Variants in GRB10 observed in about 807,000 individuals in gnomAD.
GRB10 encodes growth factor receptor-bound protein 10.
A neutral mutation model predicts 80.9 loss-of-function variants in GRB10; 20 were observed. The ratio of observed to expected loss-of-function variants is 0.25; its 90% CI spans 0.17 to 0.36. The LOEUF is 0.36. GRB10 is among the 10% of genes least tolerant of loss of function. The pLI is 1.00. For synonymous variants in GRB10, 291 were observed against 291.5 expected, an observed-to-expected ratio of 1.00 and a Z score of 0.02; for missense variants, 548 against 747.7, an observed-to-expected ratio of 0.73 and a Z score of 3.12.
At chr7:50,622,175 CT>C (rs1265875172) in intron 8 of GRB10, among the ~76,000 whole-genome samples, 1 of 152,224 alleles carries the variant, frequency 6.6e-6, no homozygotes, top group Non-Finnish European at 1.5e-5. Flanking sequence ...TGAGATAGCC[CT>C]GACGTGTGGA....
chr7:50,697,805 C>T (rs1028266366), intron 5 of GRB10, among the ~76,000 whole-genome samples: 2 of 152,200 alleles, frequency 1.3e-5, no homozygotes, highest in Non-Finnish European at 2.9e-5. Context: ...GTAGGCTGTG[C>T]TGTGGGCTGA....
In GRB10 at chr7:50,590,174, G is replaced by A. The variant is rs2045697005; in HGVS notation, c.*2778C>T. On this transcript the variant is annotated 3_prime_UTR_variant, in exon 19 of 19. Transcript: ENST00000401949. ...TTTACAATTAGGTTCACGAGCCAAA[G>A]AGCTATGTACAGAATGAAGCAAAGC... 1 of 152,182 alleles carries A rather than the reference G, an allele frequency of 6.6e-6. No homozygotes were observed. The highest frequency in any genetic ancestry group is 1.5e-5 in the Non-Finnish European group (1 of 68,038). The allele number at this position is 152,182 out of a possible 1,614,324, so 9.4% of individuals were successfully genotyped here. A position where few individuals can be genotyped will look rare whatever the true frequency, so the allele number is the denominator to read the frequency against.
intron 4 of GRB10, among the ~76,000 whole-genome samples, chr7:50,719,389 C>T (rs866301025): frequency 3.3e-5 from 5 of 152,166 alleles, no homozygotes; most frequent in African/African-American, 9.7e-5. Context: ...TCCTTTGAAG[C>T]TGGAAGCCAT....
intron 6 of GRB10, among the ~76,000 whole-genome samples, chr7:50,671,279 T>C (rs1372947973): frequency 1.3e-5 from 2 of 152,200 alleles, no homozygotes; most frequent in Non-Finnish European, 2.9e-5. Flanking sequence ...ACCCCCATCA[T>C]AGGCTGTGTC....
At position 50,707,361 on chromosome 7, in the gene GRB10, G is replaced by A. The variant is rs572112301; in HGVS notation, c.52-3453C>T. 5.3e-5 allele frequency among the ~76,000 whole-genome samples: 8 copies of A among 152,246 alleles called. No homozygotes were observed. In the East Asian group the frequency reaches 1.4e-3, roughly 26 times the overall value. On this transcript the variant is annotated intron_variant, in intron 4 of 18. Coordinates refer to ENST00000401949, the MANE Select transcript of GRB10 (RefSeq NM_001350814.2). ...TTTGGGAGGTGGTCACCCTGCTCACGTGTTATAATCTTACACACATCCAAG... is the reference window on the plus strand; with the variant it reads ...TTTGGGAGGTGGTCACCCTGCTCACATGTTATAATCTTACACACATCCAAG...
At chr7:50,672,040 C>T (rs1184130631) in intron 6 of GRB10, among the ~76,000 whole-genome samples, 1 of 152,216 alleles carries the variant, frequency 6.6e-6, no homozygotes, top group Non-Finnish European at 1.5e-5. Flanking sequence ...AGAACACATG[C>T]GTGGCCCTTG....
At chr7:50,614,107 G>A (rs1266421091) in intron 12 of GRB10, among the ~76,000 whole-genome samples, 2 of 152,190 alleles carry the variant, frequency 1.3e-5, no homozygotes, top group African/African-American at 2.4e-5. Flanking sequence ...CCTCATCAGG[G>A]GAAAAGGAGT....
chr7:50,602,689 CAACTT>C (rs1297251817), intron 17 of GRB10, among the ~76,000 whole-genome samples: 2 of 152,182 alleles, frequency 1.3e-5, no homozygotes, highest in Non-Finnish European at 2.9e-5. Context: ...TAAATAACCT[CAACTT>C]AATTTAAAGG....
intron 13 of GRB10, 76 bp from the exon 14 acceptor site, chr7:50,606,490 A>G (rs1243595111): frequency 1.9e-6 from 2 of 1,031,556 alleles, no homozygotes; most frequent in South Asian, 1.3e-5. Context: ...CCACAGCAGG[A>G]AAGGGCAATG....
At chr7:50,638,422 T>C (rs776152393) in intron 7 of GRB10, among the ~76,000 whole-genome samples, 9 of 152,080 alleles carry the variant, frequency 5.9e-5, no homozygotes, top group African/African-American at 1.7e-4. Flanking sequence ...CATTAAAAAA[T>C]GGGCAAAGAA....
rs369305146 is a variant in GRB10 at position 50,643,715 on chromosome 7, T to C, written c.505-16737A>G. 5.3e-5 allele frequency among the ~76,000 whole-genome samples: 8 copies of C among 152,188 alleles called. No individual in the cohort carries two copies. The East Asian group carries it at 1.3e-3, about 26-fold the overall frequency. ...GGTATTTAGGAGTAAAGGGACTTGA[T>C]ATCTACAAATGAGTCTCAAATGGTC... On this transcript the variant is annotated intron_variant, in intron 7 of 18. Coordinates refer to ENST00000401949, the MANE Select transcript of GRB10 (RefSeq NM_001350814.2).
At chr7:50,684,444 G>A (rs903129129) in intron 5 of GRB10, among the ~76,000 whole-genome samples, 23 of 152,050 alleles carry the variant, frequency 1.5e-4, no homozygotes, top group African/African-American at 5.5e-4. Flanking sequence ...AATGTTCAGT[G>A]AGCATCCCCT....
intron 2 of GRB10, among the ~76,000 whole-genome samples, chr7:50,777,367 G>A (rs908110949): frequency 2.0e-5 from 3 of 150,430 alleles, no homozygotes; most frequent in Non-Finnish European, 3.0e-5. Flanking sequence ...ATAACATCAC[G>A]TTGGCCATTA....
At chr7:50,598,352 T>C (rs2047011898) in intron 17 of GRB10, among the ~76,000 whole-genome samples, 1 of 152,194 alleles carries the variant, frequency 6.6e-6, no homozygotes, top group South Asian at 2.1e-4. Context: ...GCTAAGCATG[T>C]TAAGTGACTA....
chr7:50,664,723 C>G (rs1437552137), intron 7 of GRB10, among the ~76,000 whole-genome samples: 2 of 152,186 alleles, frequency 1.3e-5, no homozygotes, highest in African/African-American at 4.8e-5. Flanking sequence ...CCCAGTGGCA[C>G]CAACTAGACC....
In GRB10 at chr7:50,790,694, T is replaced by G. The variant is rs114182255; in HGVS notation, c.-294+2530A>C. Among the ~76,000 whole-genome samples the G allele has an allele frequency of 2.0e-3, 301 of 152,338 alleles. 3 individuals are homozygous for G. Among genetic ancestry groups the G allele is most frequent in the African/African-American group, 6.9e-3 (286 of 41,588 alleles). ...CCGTAGGTTTCTCTTCCCCTTGCAG[T>G]TAAGAGTCGGACAGAATTCCAAGGA... is the stretch of plus-strand genomic sequence containing the variant. On this transcript the variant is annotated intron_variant, in intron 1 of 16. Coordinates refer to the GRB10 transcript ENST00000335866.
intron 8 of GRB10, among the ~76,000 whole-genome samples, chr7:50,624,736 A>G (rs2052562277): frequency 6.6e-6 from 1 of 152,220 alleles, no homozygotes; most frequent in Non-Finnish European, 1.5e-5. Context: ...GGTGAGAAAG[A>G]AAACTGAGGA....
At chr7:50,653,207 C>A (rs2058196784) in intron 7 of GRB10, among the ~76,000 whole-genome samples, 1 of 152,190 alleles carries the variant, frequency 6.6e-6, no homozygotes, top group African/African-American at 2.4e-5. Context: ...GCACTGTCAG[C>A]CCTAGGCCGT....
At chr7:50,742,824 TG>T (rs2072137765) in intron 3 of GRB10, among the ~76,000 whole-genome samples, 1 of 152,090 alleles carries the variant, frequency 6.6e-6, no homozygotes, top group Admixed American at 6.6e-5. Flanking sequence ...TTGGTTTCTA[TG>T]ATGTCTGCAG....
Sources: gnomAD v4.1 joint callset for allele counts (sites outside exome capture counted in the v4.1 genomes callset) on GRCh38, gnomAD v4.1.1 for gene constraint, MANE v1.5 for transcripts, NCBI Gene and HGNC (gene_info 2026-07-23, HGNC 2026-07-21) for gene names.